LMO7: variants seen among roughly 807,000 people sequenced by gnomAD.
LMO7 encodes LIM domain 7.
A neutral mutation model predicts 206.5 loss-of-function variants in LMO7; 120 were observed. That is an observed-to-expected ratio of 0.58 (90% CI 0.50 to 0.68). The LOEUF (loss-of-function observed/expected upper bound fraction) is 0.68. Ranked by LOEUF, LMO7 falls within the 30% of genes least tolerant of loss-of-function variation. LMO7 has a pLI of 0.00. For missense variants in LMO7, 1,959 were observed against 1,957.9 expected, an observed-to-expected ratio of 1.00 and a Z score of -0.01; for synonymous variants, 706 against 681.5, an observed-to-expected ratio of 1.04 and a Z score of -0.56.
chr13:75,676,232 T>A (rs1374120968), intron 1 of LMO7, among the ~76,000 whole-genome samples: 1 of 152,218 alleles, frequency 6.6e-6, no homozygotes, highest in Non-Finnish European at 1.5e-5. Context: ...TGCTGTCAAG[T>A]ATAACATATT....
Position 75,841,934 on chromosome 13 carries a change from C to A in LMO7, c.3982C>A (p.Gln1328Lys). ...GCGTCCTGCGGAGGAGCAGAAGCGC[C>A]AGGCAGAGATAGAGCGGGAAACATC... ...QKRPAEEQKR[Q>K]AEIERETSVR... is the part of the protein sequence containing the mutation. Residue 1328 changes from glutamine (Q) to lysine (K), a missense_variant, in exon 24 of 31, where the codon CAG becomes AAG. Coordinates refer to ENST00000377534, the MANE Select transcript of LMO7 (RefSeq NM_001306080.2). 6.2e-7 allele frequency: 1 copy of A among 1,613,084 alleles called. No homozygotes were observed. The highest frequency in any genetic ancestry group is 2.2e-5 in the East Asian group (1 of 44,886).
chr13:75,677,551 CCAA>C (rs200654795), intron 1 of LMO7, among the ~76,000 whole-genome samples: 144 of 151,984 alleles, frequency 9.5e-4, no homozygotes, highest in African/African-American at 2.5e-3. Flanking sequence ...CATAATCCAG[CCAA>C]ATTTCCTAAA....
intron 9 of LMO7, 21 bp downstream of exon 9, chr13:75,805,781 C>T (rs762998047): frequency 6.2e-7 from 1 of 1,609,918 alleles, no homozygotes; most frequent in African/African-American, 1.3e-5. Flanking sequence ...GTGCATGTTT[C>T]TGTCACACCA....
intron 4 of LMO7, among the ~76,000 whole-genome samples, chr13:75,776,197 A>T (rs2050459039): frequency 9.2e-6 from 1 of 109,002 alleles, no homozygotes; most frequent in African/African-American, 3.5e-5. Flanking sequence ...ATATATATAT[A>T]TATATATAAC....
chr13:75,838,937 G>A (rs554644870), intron 20 of LMO7, among the ~76,000 whole-genome samples: 9 of 152,244 alleles, frequency 5.9e-5, no homozygotes, highest in African/African-American at 1.9e-4. Flanking sequence ...AGATGCAATG[G>A]TCAGAGGATA....
chr13:75,621,969 A>G, intron 1 of LMO7: 1 of 712,118 alleles, frequency 1.4e-6, no homozygotes, highest in Non-Finnish European at 2.1e-6. Flanking sequence ...TAGGTGGAAA[A>G]GAGGTCAGTA....
At chr13:75,626,595 A>ATATATTTTTTTTT in intron 2 of LMO7, among the ~76,000 whole-genome samples, 1 of 71,100 alleles carries the variant, frequency 1.4e-5, no homozygotes, top group African/African-American at 3.6e-5. Context: ...ATATATATAA[A>ATATATTTTTTTTT]TTTTTTTGAG....
At chr13:75,805,236 G>A in intron 8 of LMO7, 1 of 1,159,580 alleles carries the variant, frequency 8.6e-7, no homozygotes, top group Non-Finnish European at 1.1e-6. Context: ...TTTGTTATGT[G>A]CCTCTTCCTT....
At position 75,838,220 on chromosome 13, in the gene LMO7, A is replaced by T. The variant is rs114567566; in HGVS notation, c.3451+24A>T. 4.2e-4 allele frequency: 664 copies of T among 1,583,908 alleles called. 4 individuals carry two copies. In the African/African-American group the frequency reaches 7.9e-3, roughly 19 times the overall value. On this transcript the variant is annotated intron_variant, in intron 20 of 30. Coordinates refer to ENST00000377534, the MANE Select transcript of LMO7 (RefSeq NM_001306080.2). ...AGGTAAACCACAAAGCTAACAATTCATGCACTTTCATGGAATTGTTCTCCC... is the reference window on the plus strand; with the variant it reads ...AGGTAAACCACAAAGCTAACAATTCTTGCACTTTCATGGAATTGTTCTCCC...
chr13:75,771,309 G>A (rs111907302), intron 4 of LMO7, among the ~76,000 whole-genome samples: 1,970 of 152,090 alleles, frequency 0.013, 42 homozygotes, highest in African/African-American at 0.042. Flanking sequence ...CCTCTAACTG[G>A]CTAGTTGAGA....
At chr13:75,785,526 AC>A (rs1566455783) in intron 4 of LMO7, among the ~76,000 whole-genome samples, 1 of 152,206 alleles carries the variant, frequency 6.6e-6, no homozygotes, top group African/African-American at 2.4e-5. Flanking sequence ...ACAGATCACA[AC>A]TAGAAAACAC....
chr13:75,739,721 T>C (rs2046264913), intron 3 of LMO7, among the ~76,000 whole-genome samples: 2 of 152,218 alleles, frequency 1.3e-5, no homozygotes, highest in South Asian at 4.1e-4. Flanking sequence ...GGGTTGTTCC[T>C]TTCCAGCAGC....
At chr13:75,784,140 C>T (rs534748779) in intron 4 of LMO7, among the ~76,000 whole-genome samples, 64 of 152,222 alleles carry the variant, frequency 4.2e-4, no homozygotes, top group Non-Finnish European at 7.8e-4. Flanking sequence ...TCAGGCATGC[C>T]ACTTAACATC....
At chr13:75,830,212 C>G (rs911046843) in intron 15 of LMO7, among the ~76,000 whole-genome samples, 2 of 152,106 alleles carry the variant, frequency 1.3e-5, no homozygotes, top group African/African-American at 4.8e-5. Context: ...TAGATATGTT[C>G]ACTTGCAAGA....
At chr13:75,855,395 G>T in intron 29 of LMO7, 27 bp downstream of exon 29, 1 of 1,489,672 alleles carries the variant, frequency 6.7e-7, no homozygotes, top group Non-Finnish European at 9.3e-7. Flanking sequence ...CAGCTTGCAG[G>T]CCTGCAAAGC....
intron 1 of LMO7, among the ~76,000 whole-genome samples, chr13:75,703,630 C>T (rs1396231259): frequency 1.3e-5 from 2 of 152,126 alleles, no homozygotes; most frequent in African/African-American, 2.4e-5. Flanking sequence ...TGTTTTATAG[C>T]TGAGGCCTTG....
chr13:75,670,393 T>C (rs2039455782), intron 1 of LMO7, among the ~76,000 whole-genome samples: 1 of 152,188 alleles, frequency 6.6e-6, no homozygotes, highest in African/African-American at 2.4e-5. Flanking sequence ...TCATATAGGC[T>C]ATTTTGTCAT....
At position 75,858,203 on chromosome 13, in the gene LMO7, A is replaced by C. The variant is rs531045021; in HGVS notation, c.*260A>C. On this transcript the variant is annotated 3_prime_UTR_variant, in exon 31 of 31. Coordinates refer to ENST00000377534, the MANE Select transcript of LMO7 (RefSeq NM_001306080.2). ...TTCAGCATCTTGAGAGCACAAGGGAAAAAATAAGAACCTACGAATATTTTT... is the reference window on the plus strand; with the variant it reads ...TTCAGCATCTTGAGAGCACAAGGGACAAAATAAGAACCTACGAATATTTTT... 8.9e-5 allele frequency: 33 copies of C among 370,432 alleles called. 1 individual carries two copies. The highest frequency in any genetic ancestry group is 7.1e-4 in the Middle Eastern group (1 of 1,418). The allele number at this position is 370,432 out of a possible 1,614,324, so 22.9% of individuals were successfully genotyped here.
chr13:75,666,818 C>T (rs149200924), intron 1 of LMO7, among the ~76,000 whole-genome samples: 1 of 152,112 alleles, frequency 6.6e-6, no homozygotes, highest in Non-Finnish European at 1.5e-5. Context: ...TCTTAGAGAG[C>T]CCAGGTCATC....
Sources: allele counts gnomAD v4.1 joint callset (sites outside exome capture counted in the v4.1 genomes callset), GRCh38; gene constraint gnomAD v4.1.1; transcripts MANE v1.5; gene names NCBI Gene and HGNC (gene_info 2026-07-23, HGNC 2026-07-21).